Variants in STOX2 observed in about 807,000 individuals in gnomAD.
STOX2 encodes storkhead-box protein 2.
Under a neutral mutation model 60.9 loss-of-function variants are expected in STOX2, and 28 were observed. The observed-to-expected ratio is 0.46, with a 90% CI of 0.34 to 0.63. The LOEUF is 0.63. STOX2 is among the 30% of genes least tolerant of loss of function. The pLI, the probability that STOX2 is intolerant of heterozygous loss-of-function variation, is 0.01. For missense variants in STOX2, 1,024 were observed against 1,187.7 expected (o/e 0.86, Z 2.03); for synonymous variants, 472 against 463.9 (o/e 1.02, Z -0.22).
intron 1 of STOX2, among the ~76,000 whole-genome samples, chr4:183,812,255 G>A (rs1739052215): frequency 6.6e-6 from 1 of 152,036 alleles, no homozygotes; most frequent in South Asian, 2.1e-4. Context: ...TTAAAGTCCA[G>A]CAGTTTGTAG....
chr4:183,956,710 G>A (rs544966347), intron 1 of STOX2, among the ~76,000 whole-genome samples: 37 of 152,002 alleles, frequency 2.4e-4, no homozygotes, highest in African/African-American at 8.2e-4. Context: ...CAATAATATC[G>A]TCTATAACTG....
intron 1 of STOX2, among the ~76,000 whole-genome samples, chr4:183,874,115 C>T (rs1355202701): frequency 1.3e-5 from 2 of 152,160 alleles, no homozygotes; most frequent in African/African-American, 4.8e-5. Context: ...CATTCTGACT[C>T]AGATGTGGTT....
intron 1 of STOX2, among the ~76,000 whole-genome samples, chr4:183,994,671 C>A (rs1240104904): frequency 6.6e-6 from 1 of 152,190 alleles, no homozygotes; most frequent in Non-Finnish European, 1.5e-5. Flanking sequence ...GAAACGGGCG[C>A]AGAGCGGATA....
intron 1 of STOX2, among the ~76,000 whole-genome samples, chr4:183,854,957 C>T (rs907133686): frequency 1.3e-5 from 2 of 151,990 alleles, no homozygotes; most frequent in Non-Finnish European, 2.9e-5. Flanking sequence ...ACTAGTGTCC[C>T]GAATATGAAA....
intron 1 of STOX2, among the ~76,000 whole-genome samples, chr4:183,815,925 A>T (rs1433800356): frequency 6.6e-6 from 1 of 152,208 alleles, no homozygotes; most frequent in Non-Finnish European, 1.5e-5. Flanking sequence ...TATATTATTG[A>T]TACTATTGAC....
intron 1 of STOX2, among the ~76,000 whole-genome samples, chr4:183,826,986 T>C (rs1739449694): frequency 6.6e-6 from 1 of 152,220 alleles, no homozygotes; most frequent in Non-Finnish European, 1.5e-5. Flanking sequence ...TAACATGACC[T>C]ATTTAATCTT....
intron 1 of STOX2, among the ~76,000 whole-genome samples, chr4:183,864,998 A>G (rs926363133): frequency 6.6e-6 from 1 of 152,232 alleles, no homozygotes; most frequent in African/African-American, 2.4e-5. Context: ...GGTATGAAAG[A>G]TCACAGTTCT....
At chr4:183,924,852 C>G (rs1407852611) in intron 1 of STOX2, among the ~76,000 whole-genome samples, 1 of 152,072 alleles carries the variant, frequency 6.6e-6, no homozygotes, top group East Asian at 1.9e-4. Context: ...GGCAAGATAC[C>G]AGAGTCAAGA....
intron 1 of STOX2, among the ~76,000 whole-genome samples, chr4:183,833,308 G>A (rs1304029210): frequency 2.0e-5 from 3 of 152,136 alleles, no homozygotes; most frequent in East Asian, 1.9e-4. Flanking sequence ...GAACGCTTAG[G>A]TCTGGCATCA....
At chr4:183,952,653 T>A (rs981642684) in intron 1 of STOX2, among the ~76,000 whole-genome samples, 1 of 152,214 alleles carries the variant, frequency 6.6e-6, no homozygotes, top group Non-Finnish European at 1.5e-5. Flanking sequence ...AGAATGTGAT[T>A]GTGGAGCACC....
intron 1 of STOX2, among the ~76,000 whole-genome samples, chr4:183,972,078 C>G (rs1743757480): frequency 6.6e-6 from 1 of 152,178 alleles, no homozygotes; most frequent in Non-Finnish European, 1.5e-5. Flanking sequence ...GTGGAAGAAG[C>G]CACCGTCCTC....
rs1733686709 is a variant in STOX2, at chr4:184,003,640, T to C, written c.319+2163T>C. 2.0e-5 allele frequency among the ~76,000 whole-genome samples: 3 copies of C among 152,354 alleles called. No individual in the cohort carries two copies. In the East Asian group the frequency reaches 5.8e-4, roughly 29 times the overall value. ...ACCTGTTTTTGTAAATAAAGTTTTA[T>C]TGGAACACAGCCGTGCCCATTTGCT... On this transcript the variant is annotated intron_variant, in intron 2 of 3. Coordinates refer to ENST00000308497, the MANE Select transcript of STOX2 (RefSeq NM_020225.3).
intron 1 of STOX2, among the ~76,000 whole-genome samples, chr4:183,807,123 C>G (rs1046733485): frequency 7.2e-5 from 11 of 152,118 alleles, no homozygotes; most frequent in African/African-American, 2.2e-4. Context: ...CAGGCGACCA[C>G]CACCACGCCC....
At chr4:183,941,310 G>A (rs1742747712) in intron 1 of STOX2, among the ~76,000 whole-genome samples, 1 of 152,170 alleles carries the variant, frequency 6.6e-6, no homozygotes, top group African/African-American at 2.4e-5. Context: ...GCTCACACCT[G>A]TAATCCCAGC....
At chr4:183,832,038 G>A (rs1271585782) in intron 1 of STOX2, among the ~76,000 whole-genome samples, 1 of 148,768 alleles carries the variant, frequency 6.7e-6, no homozygotes, top group Non-Finnish European at 1.5e-5. Flanking sequence ...TGCCTAGGCT[G>A]GAGTGCAATG....
intron 1 of STOX2, among the ~76,000 whole-genome samples, chr4:183,948,496 A>ATGAC (rs10528801): frequency 1 from 147,618 of 148,296 alleles, 73,475 homozygotes; most frequent in Middle Eastern, 1. Flanking sequence ...TCTTTCTCTA[A>ATGAC]TATGCAGCCT....
chr4:183,873,565 C>T (rs1192385096), intron 1 of STOX2, among the ~76,000 whole-genome samples: 2 of 152,088 alleles, frequency 1.3e-5, no homozygotes, highest in South Asian at 2.1e-4. Context: ...TAGTAACACA[C>T]GCAGCATGCA....
chr4:183,942,504 C>G (rs1434448392), intron 1 of STOX2, among the ~76,000 whole-genome samples: 1 of 151,988 alleles, frequency 6.6e-6, no homozygotes. Context: ...GAGCTCATCC[C>G]CATTTCATTT....
chr4:183,808,408 A>G (rs917210050), intron 1 of STOX2, among the ~76,000 whole-genome samples: 7 of 152,198 alleles, frequency 4.6e-5, no homozygotes, highest in Admixed American at 1.3e-4. Flanking sequence ...GAGTTAATAT[A>G]GAACCGCAGA....
Sources: allele counts gnomAD v4.1 joint callset (sites outside exome capture counted in the v4.1 genomes callset), GRCh38; gene constraint gnomAD v4.1.1; transcripts MANE v1.5; gene names NCBI Gene and HGNC (gene_info 2026-07-23, HGNC 2026-07-21).